SUN3: variants seen among roughly 807,000 people sequenced by gnomAD.
SUN3 encodes SUN domain-containing protein 3.
A neutral mutation model predicts 48.2 loss-of-function variants in SUN3; 36 were observed. The ratio of observed to expected loss-of-function variants is 0.75; its 90% confidence interval spans 0.57 to 0.99. SUN3 has a LOEUF of 0.99. Among genes scored for constraint, SUN3 ranks in the 50% least tolerant of loss-of-function variants. The pLI is 0.00. For synonymous variants in SUN3, 148 were observed against 147.9 expected, an observed-to-expected ratio of 1.00 and a Z score of 0.00; for missense variants, 419 against 433.1, an observed-to-expected ratio of 0.97 and a Z score of 0.29.
At chr7:48,019,113 T>C (rs1012041812) in intron 2 of SUN3, among the ~76,000 whole-genome samples, 9 of 152,158 alleles carry the variant, frequency 5.9e-5, no homozygotes, top group Admixed American at 4.6e-4. Context: ...AAGATAGAGC[T>C]ATGAAATTAT....
intron 6 of SUN3, among the ~76,000 whole-genome samples, chr7:48,001,783 G>C (rs1427349269): frequency 6.6e-6 from 1 of 152,030 alleles, no homozygotes; most frequent in Non-Finnish European, 1.5e-5. Context: ...TGATCTGCCC[G>C]CCTCGGCCTC....
Position 48,005,950 on chromosome 7 carries a change from T to C in SUN3, c.577+19A>G. On this transcript the variant is annotated intron_variant, in intron 6 of 9. Transcript: ENST00000297325. ...TCTTTTTTTTTTAATGTTCCTCTTT[T>C]CACTTTTTCTGTACTCACCGGCCGA... 1 of 1,553,458 alleles carries C rather than the reference T, an allele frequency of 6.4e-7. No individual in the cohort carries two copies. Among genetic ancestry groups the C allele is most frequent in the Admixed American group, 1.9e-5 (1 of 53,178 alleles).
At chr7:48,010,412 T>C (rs1007357127) in intron 3 of SUN3, among the ~76,000 whole-genome samples, 1 of 152,182 alleles carries the variant, frequency 6.6e-6, no homozygotes, top group Non-Finnish European at 1.5e-5. Flanking sequence ...GGATGGCTCC[T>C]GACATCCTTT....
At chr7:48,007,423 A>G in intron 4 of SUN3, 96 bp from the exon 5 acceptor site, 1 of 1,135,244 alleles carries the variant, frequency 8.8e-7, no homozygotes. Flanking sequence ...GAGGTGCTTT[A>G]TATTGTTGAA....
intron 4 of SUN3, among the ~76,000 whole-genome samples, chr7:48,008,357 T>C (rs1482476929): frequency 2.0e-5 from 3 of 152,174 alleles, no homozygotes; most frequent in Non-Finnish European, 4.4e-5. Context: ...ATGCAAAAAA[T>C]TGGTAAGAAA....
At chr7:47,991,922 C>T (rs1459984374) in intron 8 of SUN3, among the ~76,000 whole-genome samples, 2 of 152,158 alleles carry the variant, frequency 1.3e-5, no homozygotes, top group African/African-American at 2.4e-5. Context: ...CTCTCTTCTT[C>T]CTCCCATCTC....
In SUN3 at chr7:47,994,332, T is replaced by C; in HGVS notation, c.844A>G (p.Lys282Glu). ...SPSGNISSAP[K>E]EFSVYGITKK... ...CTTCTTACATAGACAGAAAATTCCT[T>C]GGGTGCACTGGAGATGTTTCCTGAC... is the stretch of plus-strand genomic sequence containing the variant. The change falls in exon 8 of 10, where the codon AAG (lysine) becomes GAG (glutamate). Residue 282 changes from lysine (K) to glutamate (E), a missense_variant. Transcript: ENST00000297325. 1.2e-6 allele frequency: 2 copies of C among 1,613,188 alleles called. No individual in the cohort carries two copies. The highest frequency in any genetic ancestry group is 3.3e-5 in the Admixed American group (2 of 59,738).
At chr7:48,020,647 C>G (rs946664480) in intron 2 of SUN3, among the ~76,000 whole-genome samples, 1 of 152,084 alleles carries the variant, frequency 6.6e-6, no homozygotes, top group Non-Finnish European at 1.5e-5. Flanking sequence ...TATATACAAA[C>G]AGTGAACAAT....
intron 8 of SUN3, chr7:47,990,867 C>CT (rs1396636077): frequency 5.7e-6 from 2 of 353,556 alleles, no homozygotes; most frequent in African/African-American, 4.5e-5. Flanking sequence ...AACAAATACT[C>CT]TATGTTCTCA....
chr7:48,030,275 GA>G (rs764963777), upstream of SUN3, among the ~76,000 whole-genome samples: 1 of 152,138 alleles, frequency 6.6e-6, no homozygotes, highest in East Asian at 1.9e-4. Flanking sequence ...TTTATACCAA[GA>G]AACCCCCAAG....
At position 47,991,621 on chromosome 7, in the gene SUN3, CAAACCCCA is replaced by C. The variant is rs1387309326; in HGVS notation, c.861+2686_861+2693del. On this transcript the variant is annotated intron_variant, in intron 8 of 9. Transcript: ENST00000297325. The stretch of plus-strand genomic sequence containing the variant: ...AAAAACAAAACAAAACAAAACAAAA[CAAACCCCA>C]AAACAAACAAACAGAAAAACCAAAA... 3.0e-3 allele frequency among the ~76,000 whole-genome samples: 455 copies of C among 151,822 alleles called. 5 individuals are homozygous for C. Among genetic ancestry groups the C allele is most frequent in the African/African-American group, 0.01 (417 of 41,394 alleles).
At chr7:47,998,527 G>GT (rs1220681200) in intron 6 of SUN3, among the ~76,000 whole-genome samples, 1 of 151,792 alleles carries the variant, frequency 6.6e-6, no homozygotes, top group African/African-American at 2.4e-5. Flanking sequence ...TCTCGTAACT[G>GT]TTTTTTTGGC....
the SUN3 span, among the ~76,000 whole-genome samples, chr7:48,034,843 T>TA: frequency 1.3e-3 from 198 of 152,210 alleles, no homozygotes; most frequent in African/African-American, 4.5e-3. Flanking sequence ...TTAAGAGCTT[T>TA]AAAAAAAGTC....
In SUN3 at chr7:48,005,951, C is replaced by T; in HGVS notation, c.577+18G>A. 6.5e-7 allele frequency: 1 copy of T among 1,537,304 alleles called. No homozygotes were observed. Among genetic ancestry groups the T allele is most frequent in the Non-Finnish European group, 8.8e-7 (1 of 1,131,278 alleles). ...CTTTTTTTTTTAATGTTCCTCTTTT[C>T]ACTTTTTCTGTACTCACCGGCCGAC... On this transcript the variant is annotated intron_variant, in intron 6 of 9. Coordinates refer to ENST00000297325, the MANE Select transcript of SUN3 (RefSeq NM_001030019.2).
Sources: gnomAD v4.1 joint callset for allele counts (sites outside exome capture counted in the v4.1 genomes callset) on GRCh38, gnomAD v4.1.1 for gene constraint, MANE v1.5 for transcripts, NCBI Gene and HGNC (gene_info 2026-07-23, HGNC 2026-07-21) for gene names.